The following CACNA1I variants were observed in gnomAD, a reference collection of about 807,000 sequenced individuals.
The protein encoded by CACNA1I is calcium voltage-gated channel subunit alpha1 I.
Under a neutral mutation model 201.6 loss-of-function variants are expected in CACNA1I, and 74 were observed. That is an observed-to-expected ratio of 0.37 (90% CI 0.30 to 0.45). The LOEUF (loss-of-function observed/expected upper bound fraction) is 0.45, where lower values mean the gene tolerates loss of function less well. Among genes scored for constraint, CACNA1I ranks in the 20% least tolerant of loss-of-function variants. CACNA1I has a pLI of 1.00. For synonymous variants in CACNA1I, 1,431 were observed against 1,345.2 expected (o/e 1.06, Z -1.40); for missense variants, 2,346 against 3,138.1 (o/e 0.75, Z 6.03).
Position 39,648,462 on chromosome 22 carries a change from C to G in CACNA1I, c.1567+536C>G, listed in dbSNP as rs1601493537. Among the ~76,000 whole-genome samples, 1 of 152,072 alleles carries G rather than the reference C, an allele frequency of 6.6e-6. No homozygotes were observed. The highest frequency in any genetic ancestry group is 1.5e-5 in the Non-Finnish European group (1 of 67,998). On this transcript the variant is annotated intron_variant, in intron 9 of 36. Transcript: ENST00000402142. This position sits in a 1 kb window ranked among gnomAD's most constrained non-coding sequence, Gnocchi z 5.4. ...CTCTGCCCTGGAAAACGAGAGTTGG[C>G]TGTCGCCCCACGTCCAGGTGGGAGC...
At chr22:39,658,573 G>A (rs1040254842) in intron 11 of CACNA1I, among the ~76,000 whole-genome samples, 4 of 152,244 alleles carry the variant, frequency 2.6e-5, no homozygotes, top group African/African-American at 4.8e-5. Context: ...GTCACGTGAC[G>A]TGAAGACACC....
intron 35 of CACNA1I, among the ~76,000 whole-genome samples, chr22:39,683,918 A>G (rs1253374930): frequency 6.6e-6 from 1 of 152,140 alleles, no homozygotes; most frequent in African/African-American, 2.4e-5. Context: ...GACTGATCCT[A>G]GTGAGCACCT....
chr22:39,647,761 A>G, intron 8 of CACNA1I, 61 bp from the exon 9 acceptor site: 1 of 1,230,594 alleles, frequency 8.1e-7, no homozygotes, highest in Non-Finnish European at 1.2e-6. Flanking sequence ...TGGTTGCCTC[A>G]TCTGTTCCAG....
intron 3 of CACNA1I, among the ~76,000 whole-genome samples, chr22:39,607,221 T>C (rs1217614884): frequency 6.6e-6 from 1 of 152,234 alleles, no homozygotes; most frequent in Non-Finnish European, 1.5e-5. Context: ...CGCAAGCTTC[T>C]GACTGTGTGG....
chr22:39,678,957 CA>C, intron 31 of CACNA1I, 149 bp from the exon 32 acceptor site: 1 of 619,886 alleles, frequency 1.6e-6, no homozygotes, highest in South Asian at 2.0e-5. Flanking sequence ...GATGCCGCAA[CA>C]AGGCAGAGTG....
chr22:39,639,139 C>T (rs1042317334), intron 5 of CACNA1I, among the ~76,000 whole-genome samples: 5 of 152,208 alleles, frequency 3.3e-5, no homozygotes, highest in Admixed American at 3.3e-4. Flanking sequence ...AAACAGCTAT[C>T]CCCACTTGTT....
intron 34 of CACNA1I, among the ~76,000 whole-genome samples, chr22:39,681,584 A>G (rs1935709286): frequency 6.6e-6 from 1 of 152,208 alleles, no homozygotes; most frequent in Non-Finnish European, 1.5e-5. Context: ...CAGGAATGAC[A>G]GAGCAGGAAG....
chr22:39,570,869 G>C lies in CACNA1I; in HGVS notation c.117G>C (p.Glu39Asp). 1 of 1,613,788 alleles carries C rather than the reference G, an allele frequency of 6.2e-7. No individual in the cohort carries two copies. The highest frequency in any genetic ancestry group is 8.5e-7 in the Non-Finnish European group (1 of 1,179,854). The change falls in exon 1 of 37, where the codon GAG (glutamate) becomes GAC (aspartate). Residue 39 changes from glutamate to aspartate, a missense_variant. By Grantham distance (45) the Glu-to-Asp change is conservative. Coordinates refer to ENST00000402142, the MANE Select transcript of CACNA1I (RefSeq NM_021096.4). ...CCCCATCCTCCCCGCCAGGCCTGGAGGAGCCTCTGGATGGAGCTGATCCTC... is the reference window on the plus strand; with the variant it reads ...CCCCATCCTCCCCGCCAGGCCTGGACGAGCCTCTGGATGGAGCTGATCCTC... The part of the protein sequence containing the change: ...RSPPSSPPGL[E>D]EPLDGADPHV...
Position 39,600,586 on chromosome 22 carries a change from AT to A in CACNA1I, c.420del (p.Phe140LeufsTer44). ...EMVLKMVALG[I>X]FGKKCYLGDT... ...GGTGCTCAAGATGGTGGCCCTGGGG[AT>A]TTTTGGCAAGAAGTGCTACCTCGGG... On this transcript the variant is annotated frameshift_variant, in exon 3 of 37. Coordinates refer to ENST00000402142, the MANE Select transcript of CACNA1I (RefSeq NM_021096.4). LOFTEE classifies it high-confidence loss of function. The A allele has an allele frequency of 6.2e-7, 1 of 1,611,032 alleles. No individual in the cohort carries two copies. Among genetic ancestry groups the A allele is most frequent in the Non-Finnish European group, 8.5e-7 (1 of 1,178,790 alleles).
At chr22:39,588,552 A>AT (rs1346064560) in intron 1 of CACNA1I, among the ~76,000 whole-genome samples, 15 of 150,990 alleles carry the variant, frequency 9.9e-5, no homozygotes, top group African/African-American at 3.7e-4. Flanking sequence ...CGCCCGGCTT[A>AT]TTTTTTGTAT....
At position 39,659,671 on chromosome 22, in the gene CACNA1I, C is replaced by T. The variant is rs1934938875; in HGVS notation, c.2449-26C>T. The T allele has an allele frequency of 6.2e-7, 1 of 1,613,374 alleles. No individual in the cohort carries two copies. The highest frequency in any genetic ancestry group is 1.1e-5 in the South Asian group (1 of 91,064). On this transcript the variant is annotated intron_variant, in intron 13 of 36. Transcript: ENST00000402142. This position sits in a 1 kb window ranked among gnomAD's most constrained non-coding sequence, Gnocchi z 4.3. ...GCCTAGCCCTGGACTAGGGGTACCC[C>T]AGGGCTAACTGTGTCTCCCCAACAG...
At chr22:39,585,463 C>T (rs1932718288) in intron 1 of CACNA1I, among the ~76,000 whole-genome samples, 1 of 140,084 alleles carries the variant, frequency 7.1e-6, no homozygotes, top group Non-Finnish European at 1.5e-5. Flanking sequence ...GATCTTGGCT[C>T]ACTGCAGCCT....
At position 39,684,579 on chromosome 22, in the gene CACNA1I, C is replaced by A; in HGVS notation, c.6027+81C>A. The A allele has an allele frequency of 6.8e-7, 1 of 1,475,944 alleles. No individual in the cohort carries two copies. Among genetic ancestry groups the A allele is most frequent in the Non-Finnish European group, 9.3e-7 (1 of 1,076,134 alleles). 91.4% of individuals were successfully genotyped at this position (1,475,944 alleles called of 1,614,324 possible). A position where few individuals can be genotyped will look rare whatever the true frequency, so the allele number is the denominator to read the frequency against. On this transcript the variant is annotated intron_variant, in intron 36 of 36. Coordinates refer to ENST00000402142, the MANE Select transcript of CACNA1I (RefSeq NM_021096.4). This position sits in a 1 kb window ranked among gnomAD's most constrained non-coding sequence, Gnocchi z 4.6. The stretch of plus-strand genomic sequence containing the variant: ...AAGCCAGGCCTGGAAGTCCAAGGGA[C>A]TGGGAGGGGAAGGACCCAACCAAAG...
rs1017039296 is a variant in CACNA1I at position 39,648,036 on chromosome 22, C to T, written c.1567+110C>T. 1.2e-5 allele frequency: 11 copies of T among 924,092 alleles called. No homozygotes were observed. The highest frequency in any genetic ancestry group is 1.2e-4 in the African/African-American group (7 of 60,850). The allele number at this position is 924,092 out of a possible 1,614,324, so 57.2% of individuals were successfully genotyped here. A position where few individuals can be genotyped will look rare whatever the true frequency, so the allele number is the denominator to read the frequency against. On this transcript the variant is annotated intron_variant, in intron 9 of 36. Transcript: ENST00000402142. The surrounding 1 kb of genome is among the most constrained non-coding windows in gnomAD (Gnocchi z 5.4). ...CATGGGGACGGCGCTTGAGCAGCCG[C>T]GACCCTCTGCAGGCCTGTCTCCCTC...
At chr22:39,602,907 T>C (rs956637790) in intron 3 of CACNA1I, among the ~76,000 whole-genome samples, 6 of 152,120 alleles carry the variant, frequency 3.9e-5, no homozygotes, top group African/African-American at 1.4e-4. Flanking sequence ...ATCCCAGCAT[T>C]GTGGGAGGCC....
intron 26 of CACNA1I, among the ~76,000 whole-genome samples, chr22:39,671,327 G>C (rs1935370907): frequency 6.6e-6 from 1 of 152,182 alleles, no homozygotes; most frequent in Non-Finnish European, 1.5e-5. Context: ...TCCTTTGTCT[G>C]GATTTTATAG....
intron 4 of CACNA1I, among the ~76,000 whole-genome samples, chr22:39,633,834 G>C (rs1275623709): frequency 6.6e-6 from 1 of 152,232 alleles, no homozygotes; most frequent in Non-Finnish European, 1.5e-5. Context: ...CTTCTCTGTA[G>C]AGCCCGTTAG....
intron 31 of CACNA1I, among the ~76,000 whole-genome samples, chr22:39,678,764 C>T (rs1376169099): frequency 2.6e-5 from 4 of 152,156 alleles, no homozygotes; most frequent in African/African-American, 4.8e-5. Flanking sequence ...GCCCTGGTCA[C>T]GAATGCACCC....
chr22:39,682,710 T>C, intron 35 of CACNA1I, 49 bp downstream of exon 35: 1 of 1,549,380 alleles, frequency 6.5e-7, no homozygotes. Context: ...ATCTTGGGCA[T>C]CTGCTTCAGA....
Sources: allele counts gnomAD v4.1 joint callset (sites outside exome capture counted in the v4.1 genomes callset), GRCh38; gene constraint gnomAD v4.1.1; non-coding constraint Gnocchi (gnomAD v3.1); transcripts MANE v1.5; gene names NCBI Gene and HGNC (gene_info 2026-07-23, HGNC 2026-07-21).